Variants in DCC observed in about 807,000 individuals in gnomAD.
DCC encodes DCC netrin 1 receptor.
A neutral mutation model predicts 172.5 loss-of-function variants in DCC; 58 were observed. That is an observed-to-expected ratio of 0.34 (90% CI 0.27 to 0.42). The LOEUF (loss-of-function observed/expected upper bound fraction) is 0.42, where lower values mean the gene tolerates loss of function less well. DCC is among the 10% of genes least tolerant of loss of function. DCC has a pLI of 1.00. For missense variants in DCC, 1,740 were observed against 1,791.0 expected (o/e 0.97, Z 0.51); for synonymous variants, 709 against 644.5 (o/e 1.10, Z -1.52).
chr18:53,377,977 T>A (rs968791588), intron 15 of DCC, among the ~76,000 whole-genome samples: 7 of 152,192 alleles, frequency 4.6e-5, no homozygotes, highest in South Asian at 2.1e-4. Context: ...TTAATTAATT[T>A]ATTTTTTTAA....
At chr18:53,272,161 C>T (rs901278714) in intron 12 of DCC, among the ~76,000 whole-genome samples, 8 of 152,126 alleles carry the variant, frequency 5.3e-5, no homozygotes, top group African/African-American at 1.9e-4. Context: ...ACTGACTTGA[C>T]TGATCTGAGT....
At chr18:52,738,978 T>C (rs1017359662) in intron 1 of DCC, among the ~76,000 whole-genome samples, 2 of 151,928 alleles carry the variant, frequency 1.3e-5, no homozygotes, top group African/African-American at 2.4e-5. Flanking sequence ...AAACTCCTGA[T>C]CTCAAATGAT....
At chr18:52,592,333 T>A (rs2033818966) in intron 1 of DCC, among the ~76,000 whole-genome samples, 1 of 152,186 alleles carries the variant, frequency 6.6e-6, no homozygotes, top group South Asian at 2.1e-4. Flanking sequence ...ATTAATATAA[T>A]TATTCAGCTA....
intron 27 of DCC, among the ~76,000 whole-genome samples, chr18:53,510,489 A>T (rs1347680080): frequency 2.0e-5 from 3 of 152,188 alleles, no homozygotes; most frequent in African/African-American, 7.2e-5. Flanking sequence ...TTGGGTATAA[A>T]AATGCCGTAA....
At chr18:53,348,566 AGGGAC>A (rs2057751546) in intron 15 of DCC, among the ~76,000 whole-genome samples, 2 of 152,136 alleles carry the variant, frequency 1.3e-5, no homozygotes, top group Non-Finnish European at 2.9e-5. Context: ...GTGCCCCAGT[AGGGAC>A]TCTGTATGGG....
intron 22 of DCC, among the ~76,000 whole-genome samples, chr18:53,444,824 A>T (rs1395296574): frequency 1.3e-5 from 2 of 152,202 alleles, no homozygotes; most frequent in Non-Finnish European, 2.9e-5. Flanking sequence ...TTTCTGCAGT[A>T]TGCCTATATT....
chr18:53,143,370 A>G (rs1598844776), intron 7 of DCC, among the ~76,000 whole-genome samples: 1 of 152,190 alleles, frequency 6.6e-6, no homozygotes, highest in Non-Finnish European at 1.5e-5. Context: ...CCTTTTGAGA[A>G]TACAGGTTGG....
intron 5 of DCC, among the ~76,000 whole-genome samples, chr18:52,930,214 C>T (rs1335592935): frequency 6.6e-6 from 1 of 152,072 alleles, no homozygotes; most frequent in Admixed American, 6.6e-5. Flanking sequence ...ATCCTGCCAC[C>T]TTGGCCTCCC....
At chr18:52,985,711 C>G (rs1281409488) in intron 5 of DCC, among the ~76,000 whole-genome samples, 2 of 151,684 alleles carry the variant, frequency 1.3e-5, no homozygotes, top group Non-Finnish European at 2.9e-5. Context: ...ATGTTGGCAT[C>G]CTGGATTAAT....
intron 15 of DCC, among the ~76,000 whole-genome samples, chr18:53,378,125 C>G (rs1012878563): frequency 6.6e-6 from 1 of 151,972 alleles, no homozygotes; most frequent in Non-Finnish European, 1.5e-5. Context: ...CCTTACCCAG[C>G]TAATTTTTCT....
chr18:52,623,246 C>T (rs1202945520), intron 1 of DCC, among the ~76,000 whole-genome samples: 1 of 152,152 alleles, frequency 6.6e-6, no homozygotes, highest in Non-Finnish European at 1.5e-5. Context: ...ATATTTTCCT[C>T]ACATGTCATC....
chr18:52,896,100 T>C (rs149082256), intron 2 of DCC, among the ~76,000 whole-genome samples: 7 of 152,302 alleles, frequency 4.6e-5, no homozygotes, highest in Non-Finnish European at 7.4e-5. Flanking sequence ...TAAATTGCTA[T>C]GATGCAAATT....
chr18:53,059,783 A>T (rs368783059), intron 5 of DCC, among the ~76,000 whole-genome samples: 1 of 152,168 alleles, frequency 6.6e-6, no homozygotes, highest in South Asian at 2.1e-4. Context: ...CTCATCTTCT[A>T]CCAATATTGC....
chr18:52,587,005 G>A (rs932677943), intron 1 of DCC, among the ~76,000 whole-genome samples: 1 of 152,152 alleles, frequency 6.6e-6, no homozygotes, highest in African/African-American at 2.4e-5. Flanking sequence ...GGCATTCCTT[G>A]AGTTCACAAA....
At position 52,763,124 on chromosome 18, in the gene DCC, C is replaced by A. The variant is rs146694708; in HGVS notation, c.412+10750C>A. 1.5e-3 allele frequency among the ~76,000 whole-genome samples: 234 copies of A among 151,506 alleles called. No individual in the cohort carries two copies. The East Asian group carries it at 0.021, about 14-fold the overall frequency. On this transcript the variant is annotated intron_variant, in intron 2 of 28. Transcript: ENST00000442544. ...TTCTTTTCATACACATTTTAAAAAT[C>A]TGCTTTAAAAAATCAGTTTCATTGT...
At chr18:52,896,196 A>G (rs1213384317) in intron 2 of DCC, among the ~76,000 whole-genome samples, 2 of 152,190 alleles carry the variant, frequency 1.3e-5, no homozygotes, top group Non-Finnish European at 2.9e-5. Context: ...TGCAACACTG[A>G]TAGGCTAAGG....
chr18:53,486,092 A>G (rs1159806396), intron 25 of DCC, among the ~76,000 whole-genome samples: 3 of 152,124 alleles, frequency 2.0e-5, no homozygotes, highest in Middle Eastern at 3.2e-3. Flanking sequence ...AATATATATT[A>G]TAATTGAATA....
chr18:52,445,138 A>T (rs1437272271), intron 1 of DCC, among the ~76,000 whole-genome samples: 1 of 152,174 alleles, frequency 6.6e-6, no homozygotes, highest in Non-Finnish European at 1.5e-5. Flanking sequence ...GAAGAAAAAC[A>T]ATCAACCTGA....
intron 1 of DCC, among the ~76,000 whole-genome samples, chr18:52,526,764 T>C (rs1407411677): frequency 1.3e-5 from 2 of 152,168 alleles, no homozygotes; most frequent in Admixed American, 1.3e-4. Flanking sequence ...TCTAGAAAAG[T>C]TGATAGATTT....
Sources: gnomAD v4.1 joint callset for allele counts (sites outside exome capture counted in the v4.1 genomes callset) on GRCh38, gnomAD v4.1.1 for gene constraint, MANE v1.5 for transcripts, NCBI Gene and HGNC (gene_info 2026-07-23, HGNC 2026-07-21) for gene names.